Variants in ARHGAP21 observed in about 807,000 individuals in gnomAD.
ARHGAP21 encodes rho GTPase-activating protein 21.
In ARHGAP21, 38 loss-of-function variants were observed where a neutral mutation model predicts 164.6. That is an observed-to-expected ratio of 0.23 (90% CI 0.18 to 0.30). The LOEUF (loss-of-function observed/expected upper bound fraction) is 0.30, where lower values mean the gene tolerates loss of function less well. Ranked by LOEUF, ARHGAP21 falls within the 10% of genes least tolerant of loss-of-function variation. The probability of loss-of-function intolerance (pLI) is 1.00; values close to 1 mark genes in which losing one functional copy is unlikely to be tolerated. For missense variants in ARHGAP21, 1,822 were observed against 2,370.7 expected (o/e 0.77, Z 4.81); for synonymous variants, 766 against 857.9 (o/e 0.89, Z 1.87).
chr10:24,585,903 A>G lies in ARHGAP21; in HGVS notation c.4386T>C (p.Ser1462=). 4.3e-6 allele frequency: 7 copies of G among 1,613,866 alleles called. No homozygotes were observed. The highest frequency in any genetic ancestry group is 4.2e-6 in the Non-Finnish European group (5 of 1,179,902). The change falls in exon 26 of 26, where the codon AGT becomes AGC. Residue 1462 remains serine (S), a synonymous_variant. Coordinates refer to ENST00000396432, the MANE Select transcript of ARHGAP21 (RefSeq NM_020824.4). The stretch of plus-strand genomic sequence containing the variant: ...TCTTCTGTTTTCTGCCCAGTGTCTC[A>G]CTTTCTTTTTTGGACTCCTCTTTAG... ...NDTKEESKKE[S]ETLGRKQKII...
chr10:24,592,675 G>A (rs930679858), intron 21 of ARHGAP21, among the ~76,000 whole-genome samples: 7 of 151,884 alleles, frequency 4.6e-5, no homozygotes, highest in East Asian at 1.9e-4. Flanking sequence ...CAGCTACTCC[G>A]GAGGCTGAGG....
At chr10:24,708,981 CTTCT>C (rs1490676700) in intron 2 of ARHGAP21, among the ~76,000 whole-genome samples, 1 of 152,018 alleles carries the variant, frequency 6.6e-6, no homozygotes, top group Non-Finnish European at 1.5e-5. Context: ...TCCATTTTTA[CTTCT>C]TTAAGAAATC....
rs186260143 is a variant in ARHGAP21 at position 24,610,810 on chromosome 10, T to C, written c.2423-2907A>G. Among the ~76,000 whole-genome samples, 226 of 152,266 alleles carry C rather than the reference T, an allele frequency of 1.5e-3. 3 individuals carry two copies. The highest frequency in any genetic ancestry group is 5.2e-3 in the African/African-American group (217 of 41,562). On this transcript the variant is annotated intron_variant, in intron 9 of 25. Transcript: ENST00000396432. The stretch of plus-strand genomic sequence containing the variant: ...ATGAAAGAAGGGAAGCCCTCCTATA[T>C]GAAGAGTTCTTATAAGTAAGGACCA...
chr10:24,667,745 G>A (rs1195669618), intron 3 of ARHGAP21, among the ~76,000 whole-genome samples: 7 of 151,874 alleles, frequency 4.6e-5, no homozygotes, highest in Non-Finnish European at 1.0e-4. Context: ...CTTTATTTTG[G>A]CTGCCCAATG....
In ARHGAP21 at chr10:24,619,862, T is replaced by A; in HGVS notation, c.2033A>T (p.Glu678Val). The A allele has an allele frequency of 1.2e-6, 2 of 1,614,202 alleles. No homozygotes were observed. Among genetic ancestry groups the A allele is most frequent in the Non-Finnish European group, 1.7e-6 (2 of 1,180,034 alleles). Residue 678 changes from glutamate to valine, a missense_variant, in exon 9 of 26, where the codon GAG (glutamate) becomes GTG (valine). Glu to Val is a moderately radical substitution (Grantham distance 121, BLOSUM62 -2). Around this residue, in one of 5 missense-constraint regions of ARHGAP21, gnomAD observed 1,090 missense variants for 1,378.9 expected, o/e 0.79. Transcript: ENST00000396432. The stretch of plus-strand genomic sequence containing the variant: ...AGATAAAGAGGGGGATTTCCCAGTC[T>A]CCACTTGCTGATCGGGGGCACTGTC... ...RTDSAPDQQV[E>V]TGKSPSLSGA... is the part of the protein sequence containing the mutation.
Position 24,585,084 on chromosome 10 carries a change from A to G in ARHGAP21, c.5205T>C (p.Asp1735=), listed in dbSNP as rs750053031. Reference sequence around the variant, plus strand: ...CAGTTGACTTTCCTTTTTTCATAACATCAAACACTTTAGTTAACGAAGGTG... The same window carrying G: ...CAGTTGACTTTCCTTTTTTCATAACGTCAAACACTTTAGTTAACGAAGGTG... ...KEAPSLTKVF[D]VMKKGKSTGS... is the part of the protein sequence containing the mutation. The change falls in exon 26 of 26, where the codon GAT becomes GAC. Residue 1735 remains aspartate, a synonymous_variant. Transcript: ENST00000396432. The G allele has an allele frequency of 7.4e-6, 12 of 1,613,764 alleles. 1 individual carries two copies. In the Admixed American group the frequency reaches 1.2e-4, roughly 16 times the overall value.
rs139372953 is a variant in ARHGAP21, at chr10:24,700,516, G to A, written c.63+21321C>T. On this transcript the variant is annotated intron_variant, in intron 2 of 25. Transcript: ENST00000396432. ...GATTAAAATAATAAGAATTAAAGAT[G>A]GTTTCGATTTTTCCATTTATGTTAA... Among the ~76,000 whole-genome samples, 791 of 152,190 alleles carry A rather than the reference G, an allele frequency of 5.2e-3. 7 individuals are homozygous for A. The highest frequency in any genetic ancestry group is 0.018 in the African/African-American group (747 of 41,510).
chr10:24,659,013 T>A (rs1188198006), intron 4 of ARHGAP21, among the ~76,000 whole-genome samples: 1 of 152,176 alleles, frequency 6.6e-6, no homozygotes, highest in Non-Finnish European at 1.5e-5. Flanking sequence ...CTGGGTTGGC[T>A]ATAATACAAA....
At chr10:24,636,519 A>T (rs1250747375) in intron 4 of ARHGAP21, among the ~76,000 whole-genome samples, 1 of 152,234 alleles carries the variant, frequency 6.6e-6, no homozygotes, top group Non-Finnish European at 1.5e-5. Context: ...GAGTAACATG[A>T]TACTACTTGT....
intron 2 of ARHGAP21, among the ~76,000 whole-genome samples, chr10:24,675,445 A>T (rs1565145325): frequency 6.6e-6 from 1 of 152,334 alleles, no homozygotes; most frequent in East Asian, 1.9e-4. Flanking sequence ...GGAGATTATT[A>T]TGAAGCAGCA....
At chr10:24,608,021 G>T in intron 9 of ARHGAP21, 118 bp from the exon 10 acceptor site, 1 of 862,392 alleles carries the variant, frequency 1.2e-6, no homozygotes, top group South Asian at 2.5e-5. Context: ...CACCACCAAA[G>T]CACATCACTA....
chr10:24,602,544 G>A (rs1265363737), intron 12 of ARHGAP21, among the ~76,000 whole-genome samples: 2 of 152,298 alleles, frequency 1.3e-5, no homozygotes, highest in Admixed American at 6.5e-5. Context: ...AGAGTTTGAT[G>A]AGAATGTACA....
chr10:24,634,153 G>A (rs1836142181), intron 5 of ARHGAP21, among the ~76,000 whole-genome samples: 1 of 151,546 alleles, frequency 6.6e-6, no homozygotes, highest in Non-Finnish European at 1.5e-5. Context: ...TACGACAGAT[G>A]ATACATTCTA....
chr10:24,674,385 T>C (rs2131821817), intron 2 of ARHGAP21, among the ~76,000 whole-genome samples: 1 of 152,196 alleles, frequency 6.6e-6, no homozygotes, highest in Non-Finnish European at 1.5e-5. Flanking sequence ...AATACAAAAA[T>C]TAGCCAGGTG....
chr10:24,711,302 C>T (rs2132243318), intron 2 of ARHGAP21, among the ~76,000 whole-genome samples: 1 of 151,788 alleles, frequency 6.6e-6, no homozygotes, highest in Non-Finnish European at 1.5e-5. Flanking sequence ...AGAAGGGTTT[C>T]AGGCATTTGA....
intron 2 of ARHGAP21, among the ~76,000 whole-genome samples, chr10:24,713,921 A>G (rs1845108197): frequency 6.6e-6 from 1 of 152,162 alleles, no homozygotes; most frequent in South Asian, 2.1e-4. Flanking sequence ...AAACCATAAA[A>G]CTATTTTAGT....
intron 2 of ARHGAP21, among the ~76,000 whole-genome samples, chr10:24,671,925 T>A (rs1474407724): frequency 7.7e-6 from 1 of 129,372 alleles, no homozygotes; most frequent in African/African-American, 3.0e-5. Flanking sequence ...AGACAAGGTC[T>A]CACTATGTTG....
intron 6 of ARHGAP21, among the ~76,000 whole-genome samples, chr10:24,631,882 G>A (rs753718634): frequency 7.9e-5 from 12 of 151,932 alleles, no homozygotes; most frequent in Non-Finnish European, 1.8e-4. Context: ...ACACACACCA[G>A]CACGCCCAGC....
At chr10:24,653,773 T>C (rs915290507) in intron 4 of ARHGAP21, among the ~76,000 whole-genome samples, 2 of 152,156 alleles carry the variant, frequency 1.3e-5, no homozygotes, top group Non-Finnish European at 2.9e-5. Flanking sequence ...TGGAATCAGA[T>C]AGTACTCTTT....
Sources: allele counts gnomAD v4.1 joint callset (sites outside exome capture counted in the v4.1 genomes callset), GRCh38; gene constraint gnomAD v4.1.1; regional missense constraint gnomAD v4.1.1; transcripts MANE v1.5; gene names NCBI Gene and HGNC (gene_info 2026-07-23, HGNC 2026-07-21).